NXN: variants seen among roughly 807,000 people sequenced by gnomAD.
The protein encoded by NXN is nucleoredoxin, also known as nucleoredoxin 1.
In NXN, 16 loss-of-function variants were observed where a neutral mutation model predicts 48.6. The ratio of observed to expected loss-of-function variants is 0.33; its 90% CI spans 0.22 to 0.50. The LOEUF (loss-of-function observed/expected upper bound fraction) is 0.50. Ranked by LOEUF, NXN falls within the 20% of genes least tolerant of loss-of-function variation. The pLI is 0.98. For synonymous variants in NXN, 281 were observed against 269.6 expected (o/e 1.04, Z -0.41); for missense variants, 492 against 605.5 (o/e 0.81, Z 1.97).
rs1316316785 is a variant in NXN at position 809,864 on chromosome 17, CGAGTCAGTGTGAGTGGCGTGTACGTTAA to C, written c.821-4645_821-4618del. On this transcript the variant is annotated intron_variant, in intron 5 of 7. Transcript: ENST00000336868. ...GCCAGTGCGAGCGGCGGGCACCTTACGAGTCAGTGTGAGTGGCGTGTACGTTAAGAGTCCCTGTGAGTGCCGTGCACGT... is the reference window on the plus strand; with the variant it reads ...GCCAGTGCGAGCGGCGGGCACCTTACGAGTCCCTGTGAGTGCCGTGCACGT... 1.3e-5 allele frequency among the ~76,000 whole-genome samples: 2 copies of C among 151,668 alleles called. 1 individual carries two copies. The highest frequency in any genetic ancestry group is 4.8e-5 in the African/African-American group (2 of 41,300).
At chr17:930,797 A>C (rs1285615280) in intron 1 of NXN, among the ~76,000 whole-genome samples, 1 of 150,396 alleles carries the variant, frequency 6.6e-6, no homozygotes, top group Non-Finnish European at 1.5e-5. Flanking sequence ...TTTAGACAGA[A>C]TCTCGCTCTG....
chr17:969,474 C>G (rs2069346342), intron 1 of NXN, among the ~76,000 whole-genome samples: 1 of 152,190 alleles, frequency 6.6e-6, no homozygotes, highest in Non-Finnish European at 1.5e-5. Context: ...CAATTGCAGT[C>G]AAGAACATGC....
intron 1 of NXN, among the ~76,000 whole-genome samples, chr17:945,692 G>A (rs114747013): frequency 0.057 from 8,674 of 151,712 alleles, 453 homozygotes; most frequent in East Asian, 0.28. Flanking sequence ...TCACAAAGTC[G>A]GTGGATATTA....
intron 1 of NXN, among the ~76,000 whole-genome samples, chr17:906,086 G>T (rs535041433): frequency 6.6e-6 from 1 of 151,582 alleles, no homozygotes; most frequent in Non-Finnish European, 1.5e-5. Flanking sequence ...CAATATAAAC[G>T]AATAGTAATA....
chr17:874,811 G>A (rs569445395), intron 1 of NXN, among the ~76,000 whole-genome samples: 2 of 152,222 alleles, frequency 1.3e-5, no homozygotes, highest in Admixed American at 1.3e-4. Flanking sequence ...CACAAGCCTG[G>A]ATCACAAAGG....
At chr17:835,356 A>T (rs1055474029) in intron 1 of NXN, among the ~76,000 whole-genome samples, 7 of 151,814 alleles carry the variant, frequency 4.6e-5, no homozygotes, top group Non-Finnish European at 8.8e-5. Flanking sequence ...AACGCCTACA[A>T]CTCTACTGTT....
chr17:845,252 A>G (rs567083428), intron 1 of NXN, among the ~76,000 whole-genome samples: 1 of 151,846 alleles, frequency 6.6e-6, no homozygotes, highest in South Asian at 2.1e-4. Context: ...GAATCCTACC[A>G]TCATCAATCA....
rs919561184 is a variant in NXN, at chr17:920,983, A to C, written c.360+58336T>G. 6.6e-6 allele frequency among the ~76,000 whole-genome samples: 1 copy of C among 152,122 alleles called. No homozygotes were observed. The highest frequency in any genetic ancestry group is 1.5e-5 in the Non-Finnish European group (1 of 68,010). ...AGTGATCCTCCCACCTTGGCCCCCA[A>C]AAGTCCTGGATGACAGGTGTGAGCC... On this transcript the variant is annotated intron_variant, in intron 1 of 7. Transcript: ENST00000336868. The surrounding 1 kb of genome is among the most constrained non-coding windows in gnomAD (Gnocchi z 4.6).
At chr17:905,322 T>TG (rs72360579) in intron 1 of NXN, 44,999 of 151,148 alleles carry the variant, frequency 0.3, 8,355 homozygotes, top group East Asian at 0.52. Flanking sequence ...ATTCAGGAGG[T>TG]GGGAAAATCC....
chr17:893,421 G>A (rs937957181), intron 1 of NXN, among the ~76,000 whole-genome samples: 12 of 152,232 alleles, frequency 7.9e-5, no homozygotes, highest in Non-Finnish European at 4.4e-5. Flanking sequence ...ACTCTGGTGA[G>A]AATGCCCTCC....
At position 825,745 on chromosome 17, in the gene NXN, A is replaced by C; in HGVS notation, c.478+216T>G. Reference sequence around the variant, plus strand: ...CCATCTCTTTTGGCCCATGAATTAAAGCCCCTAGGAGGGACATTCTGATCC... The same window carrying C: ...CCATCTCTTTTGGCCCATGAATTAACGCCCCTAGGAGGGACATTCTGATCC... On this transcript the variant is annotated intron_variant, in intron 2 of 7. Transcript: ENST00000336868. The surrounding 1 kb of genome is among the most constrained non-coding windows in gnomAD (Gnocchi z 4.1). 4.0e-6 allele frequency: 2 copies of C among 498,492 alleles called. No homozygotes were observed. Among genetic ancestry groups the C allele is most frequent in the South Asian group, 5.3e-5 (2 of 37,638 alleles). 30.9% of individuals were successfully genotyped at this position (498,492 alleles called of 1,614,324 possible). A position where few individuals can be genotyped will look rare whatever the true frequency, so the allele number is the denominator to read the frequency against.
intron 1 of NXN, among the ~76,000 whole-genome samples, chr17:914,124 T>C (rs2068662178): frequency 6.6e-6 from 1 of 152,018 alleles, no homozygotes; most frequent in Non-Finnish European, 1.5e-5. Context: ...GCTCTCGAAC[T>C]CCCAACCTCA....
intron 1 of NXN, among the ~76,000 whole-genome samples, chr17:931,306 A>C (rs1384062970): frequency 6.7e-6 from 1 of 149,010 alleles, no homozygotes; most frequent in Non-Finnish European, 1.5e-5. Context: ...AAAAAAAATT[A>C]GCTGGGTGTG....
chr17:955,672 G>A (rs1214572084), intron 1 of NXN, among the ~76,000 whole-genome samples: 20 of 150,980 alleles, frequency 1.3e-4, no homozygotes, highest in African/African-American at 3.9e-4. Context: ...CGAGGCGGGC[G>A]GATCACAAGG....
At chr17:970,106 C>T (rs1648350438) in intron 1 of NXN, among the ~76,000 whole-genome samples, 1 of 152,154 alleles carries the variant, frequency 6.6e-6, no homozygotes, top group African/African-American at 2.4e-5. Flanking sequence ...AGAGTTATGA[C>T]CGGCAAGCCG....
At chr17:893,535 C>T (rs1411089895) in intron 1 of NXN, among the ~76,000 whole-genome samples, 1 of 151,658 alleles carries the variant, frequency 6.6e-6, no homozygotes, top group African/African-American at 2.4e-5. Context: ...AGCATCTCAA[C>T]GCCTGGAAGC....
rs2644713 is a variant in NXN, at chr17:889,763, A to G, written c.361-63685T>C. Among the ~76,000 whole-genome samples the G allele has an allele frequency of 3.5e-3, 419 of 121,416 alleles. 14 individuals are homozygous for G. The highest frequency in any genetic ancestry group is 0.018 in the South Asian group (51 of 2,900). 79.7% of individuals were successfully genotyped at this position (121,416 alleles called of 152,430 possible). Reference sequence around the variant, plus strand: ...AGAAAGAAAGAAAGAAAGAAAGAAAAAGAAAGAAAGAAAAGAGAGAGAAAA... The same window carrying G: ...AGAAAGAAAGAAAGAAAGAAAGAAAGAGAAAGAAAGAAAAGAGAGAGAAAA... On this transcript the variant is annotated intron_variant, in intron 1 of 7. Coordinates refer to ENST00000336868, the MANE Select transcript of NXN (RefSeq NM_022463.5).
At chr17:967,193 G>C (rs1209775473) in intron 1 of NXN, among the ~76,000 whole-genome samples, 1 of 152,160 alleles carries the variant, frequency 6.6e-6, no homozygotes, top group Non-Finnish European at 1.5e-5. Context: ...ACTCAGGCTT[G>C]GCCCTTTGGT....
rs1463913154 is a variant in NXN, at chr17:919,275, A to AT, written c.360+60043dup. On this transcript the variant is annotated intron_variant, in intron 1 of 7. Transcript: ENST00000336868. The surrounding 1 kb of genome is among the most constrained non-coding windows in gnomAD (Gnocchi z 5.1). ...TTCCTTGGGAGGCTGAAGCAGGAGA[A>AT]TAGCTTGAACTAGGGAGGCAGAGGT... 6.6e-6 allele frequency among the ~76,000 whole-genome samples: 1 copy of AT among 152,074 alleles called. No individual in the cohort carries two copies. Among genetic ancestry groups the AT allele is most frequent in the East Asian group, 1.9e-4 (1 of 5,170 alleles).
Sources: allele counts gnomAD v4.1 joint callset (sites outside exome capture counted in the v4.1 genomes callset), GRCh38; gene constraint gnomAD v4.1.1; non-coding constraint Gnocchi (gnomAD v3.1); transcripts MANE v1.5; gene names NCBI Gene and HGNC (gene_info 2026-07-23, HGNC 2026-07-21).